Variants in PDE12 observed in about 807,000 individuals in gnomAD.
PDE12 encodes the protein 2',5'-phosphodiesterase 12.
In PDE12, 26 loss-of-function variants were observed where a neutral mutation model predicts 45.4. That is an observed-to-expected ratio of 0.57 (90% CI 0.42 to 0.79). The LOEUF is 0.79. Among genes scored for constraint, PDE12 ranks in the 30% least tolerant of loss-of-function variants. PDE12 has a pLI of 0.00. For synonymous variants in PDE12, 283 were observed against 323.9 expected (o/e 0.87, Z 1.36); for missense variants, 668 against 790.0 (o/e 0.85, Z 1.85).
chr3:57,596,441 A>G, the PDE12 span, among the ~76,000 whole-genome samples: 1 of 152,218 alleles, frequency 6.6e-6, no homozygotes, highest in Admixed American at 6.5e-5. Flanking sequence ...CAGTTTTCGG[A>G]GAATGAGATT....
the PDE12 span, among the ~76,000 whole-genome samples, chr3:57,590,709 C>T: frequency 1.3e-4 from 20 of 152,018 alleles, no homozygotes; most frequent in African/African-American, 2.9e-4. Context: ...GACAGGGTCT[C>T]GATCTGTCAC....
At chr3:57,605,444 A>G in the PDE12 span, among the ~76,000 whole-genome samples, 9 of 152,142 alleles carry the variant, frequency 5.9e-5, no homozygotes, top group Non-Finnish European at 1.0e-4. Flanking sequence ...AGCCAGATTG[A>G]AAAAAACTCA....
At position 57,560,820 on chromosome 3, in the gene PDE12, G is replaced by A. The variant is rs139987987; in HGVS notation, c.*816G>A. 2.0e-6 allele frequency: 2 copies of A among 985,434 alleles called. No homozygotes were observed. Among genetic ancestry groups the A allele is most frequent in the Non-Finnish European group, 2.4e-6 (2 of 829,578 alleles). The allele number at this position is 985,434 out of a possible 1,614,324, so 61.0% of individuals were successfully genotyped here. ...AGGTGACCTTAGAGACCTAAGGTGAGAGACTTGACACATGGAAGGAGTAAC... is the reference window on the plus strand; with the variant it reads ...AGGTGACCTTAGAGACCTAAGGTGAAAGACTTGACACATGGAAGGAGTAAC... On this transcript the variant is annotated 3_prime_UTR_variant, in exon 3 of 3. Transcript: ENST00000311180.
At chr3:57,636,143 G>A in the PDE12 span, among the ~76,000 whole-genome samples, 2 of 152,316 alleles carry the variant, frequency 1.3e-5, no homozygotes, top group Middle Eastern at 6.8e-3. Flanking sequence ...TTATGGAGGA[G>A]TTAAAGGTAT....
downstream of PDE12, among the ~76,000 whole-genome samples, chr3:57,569,851 AAG>A (rs2069819802): frequency 2.0e-5 from 3 of 151,166 alleles, no homozygotes; most frequent in East Asian, 1.9e-4. Context: ...AAAAAAAAAA[AAG>A]GTAATTTCCA....
chr3:57,570,194 C>T (rs866056326), downstream of PDE12, among the ~76,000 whole-genome samples: 12 of 144,432 alleles, frequency 8.3e-5, no homozygotes, highest in Non-Finnish European at 1.2e-4. Context: ...TCAACCAATT[C>T]TAATTTCCTT....
chr3:57,591,102 G>T, the PDE12 span, among the ~76,000 whole-genome samples: 2 of 152,072 alleles, frequency 1.3e-5, no homozygotes, highest in Non-Finnish European at 2.9e-5. Context: ...AGAAAAATTA[G>T]AACCCTCATA....
downstream of PDE12, among the ~76,000 whole-genome samples, chr3:57,570,219 G>GTTTTTTTTTTTTTTTTT (rs34599005): frequency 9.8e-6 from 1 of 102,314 alleles, no homozygotes; most frequent in African/African-American, 3.9e-5. Context: ...TTAATCCAGT[G>GTTTTTTTTTTTTTTTTT]TTTTTTTTTT....
the PDE12 span, among the ~76,000 whole-genome samples, chr3:57,634,355 C>A: frequency 6.6e-6 from 1 of 150,844 alleles, no homozygotes; most frequent in African/African-American, 2.4e-5. Flanking sequence ...ATCACTTGAA[C>A]CCGGGAGGTG....
At chr3:57,640,069 G>A in the PDE12 span, among the ~76,000 whole-genome samples, 1 of 151,168 alleles carries the variant, frequency 6.6e-6, no homozygotes, top group South Asian at 2.1e-4. Flanking sequence ...TGGAGTTTGA[G>A]ACCAAACTGG....
chr3:57,599,470 A>G, the PDE12 span, among the ~76,000 whole-genome samples: 7 of 152,192 alleles, frequency 4.6e-5, no homozygotes, highest in East Asian at 1.9e-4. Flanking sequence ...ACAATCTTCA[A>G]CTAATTCTTA....
chr3:57,597,313 G>A, the PDE12 span: 2 of 603,932 alleles, frequency 3.3e-6, no homozygotes, highest in East Asian at 3.1e-5. Context: ...TCCGGCACAG[G>A]AATAAGCCGG....
rs2069724275 is a variant in PDE12 at position 57,561,182 on chromosome 3, T to C, written c.*1178T>C. 2.0e-6 allele frequency: 2 copies of C among 984,010 alleles called. No individual in the cohort carries two copies. The highest frequency in any genetic ancestry group is 4.7e-5 in the South Asian group (1 of 21,260). The allele number at this position is 984,010 out of a possible 1,614,324, so 61.0% of individuals were successfully genotyped here. On this transcript the variant is annotated 3_prime_UTR_variant, in exon 3 of 3. Coordinates refer to ENST00000311180, the MANE Select transcript of PDE12 (RefSeq NM_177966.7). ...AAAATGTTCATAAATGAACAGGGTA[T>C]TTGACCATATGATATTAGAAAATAC...
chr3:57,653,429 G>A, the PDE12 span, among the ~76,000 whole-genome samples: 1 of 152,220 alleles, frequency 6.6e-6, no homozygotes, highest in East Asian at 1.9e-4. Flanking sequence ...ATTCAGGAAA[G>A]GAAACTTCTC....
At position 57,556,543 on chromosome 3, in the gene PDE12, T is replaced by A; in HGVS notation, c.164T>A (p.Leu55Ter). The A allele has an allele frequency of 6.2e-7, 1 of 1,613,538 alleles. No individual in the cohort carries two copies. The highest frequency in any genetic ancestry group is 8.5e-7 in the Non-Finnish European group (1 of 1,179,984). Residue 55 changes from leucine to a stop codon, truncating the protein, a stop_gained, in exon 1 of 3, where the codon TTG (leucine) becomes TAG (stop). Coordinates refer to ENST00000311180, the MANE Select transcript of PDE12 (RefSeq NM_177966.7). LOFTEE classifies it high-confidence loss of function. The surrounding 1 kb of genome is among the most constrained non-coding windows in gnomAD (Gnocchi z 5.0). ...CCCAAGCTGAGCCTGTCATTCGCTTTGGCTGATGGTAGCCACAAGAACATG... is the reference window on the plus strand; with the variant it reads ...CCCAAGCTGAGCCTGTCATTCGCTTAGGCTGATGGTAGCCACAAGAACATG... ...SEPKLSLSFA[L>*]ADGSHKNMQR...
At chr3:57,589,680 G>A in the PDE12 span, among the ~76,000 whole-genome samples, 2 of 150,586 alleles carry the variant, frequency 1.3e-5, no homozygotes, top group Non-Finnish European at 3.0e-5. Flanking sequence ...ACCGCGCCAC[G>A]GCACTCCAGC....
chr3:57,630,411 G>C, the PDE12 span: 1 of 1,574,176 alleles, frequency 6.4e-7, no homozygotes, highest in Non-Finnish European at 8.5e-7. Flanking sequence ...CAAACACACA[G>C]TTTTCGAACC....
the PDE12 span, chr3:57,597,415 AG>A: frequency 3.2e-6 from 1 of 312,714 alleles, no homozygotes. Context: ...CGGCGACTCC[AG>A]CAGCGGCCCG....
chr3:57,628,087 CTG>C, the PDE12 span: 266,383 of 1,377,222 alleles, frequency 0.19, 28,623 homozygotes, highest in East Asian at 0.45. Context: ...TCTTTCTACC[CTG>C]TAACTAGCAT....
Sources: gnomAD v4.1 joint callset for allele counts (sites outside exome capture counted in the v4.1 genomes callset) on GRCh38, gnomAD v4.1.1 for gene constraint, Gnocchi (gnomAD v3.1) non-coding constraint, MANE v1.5 for transcripts, NCBI Gene and HGNC (gene_info 2026-07-23, HGNC 2026-07-21) for gene names.